ENTREP2: variants seen among roughly 807,000 people sequenced by gnomAD.
The protein encoded by ENTREP2 is endosomal transmembrane epsin interactor 2.
the ENTREP2 span, among the ~76,000 whole-genome samples, chr15:29,592,185 C>A: frequency 6.6e-6 from 1 of 152,240 alleles, no homozygotes; most frequent in African/African-American, 2.4e-5. Context: ...CTGCTGGCAC[C>A]CAGGCATGGC....
At chr15:29,306,664 A>ATTTTTTTTTTTTTTTTTTTTTTTTTTTTT in the ENTREP2 span, among the ~76,000 whole-genome samples, 5 of 77,278 alleles carry the variant, frequency 6.5e-5, 1 homozygote, top group Admixed American at 2.1e-4. Flanking sequence ...ATAATTGGTA[A>ATTTTTTTTTTTTTTTTTTTTTTTTTTTTT]TTTTTTTTTT....
chr15:29,339,220 C>T, the ENTREP2 span, among the ~76,000 whole-genome samples: 1 of 152,240 alleles, frequency 6.6e-6, no homozygotes, highest in Non-Finnish European at 1.5e-5. Flanking sequence ...GGCTTTGATG[C>T]CATGGGAGAG....
At chr15:29,379,993 A>C in the ENTREP2 span, among the ~76,000 whole-genome samples, 1 of 150,114 alleles carries the variant, frequency 6.7e-6, no homozygotes, top group Non-Finnish European at 1.5e-5. Flanking sequence ...TGTCAACCCC[A>C]CAGTCAGCCT....
At chr15:29,343,026 A>AGGG in the ENTREP2 span, among the ~76,000 whole-genome samples, 64 of 37,380 alleles carry the variant, frequency 1.7e-3, 1 homozygote, top group East Asian at 0.046. Flanking sequence ...GTAAAAAGGA[A>AGGG]TGGGGGGGGT....
the ENTREP2 span, among the ~76,000 whole-genome samples, chr15:29,585,000 T>TAGAC: frequency 5.7e-3 from 152 of 26,514 alleles, 3 homozygotes; most frequent in African/African-American, 9.0e-3. Flanking sequence ...GATCGATGGA[T>TAGAC]AGATAGATAG....
the ENTREP2 span, among the ~76,000 whole-genome samples, chr15:29,360,831 T>C: frequency 1.3e-5 from 2 of 152,162 alleles, no homozygotes; most frequent in African/African-American, 2.4e-5. Context: ...CTAGAGTATG[T>C]CCAGGAAGCA....
At chr15:29,135,741 C>T in the ENTREP2 span, among the ~76,000 whole-genome samples, 10 of 152,342 alleles carry the variant, frequency 6.6e-5, no homozygotes, top group African/African-American at 2.4e-4. This position sits in a 1 kb window ranked among gnomAD's most constrained non-coding sequence, Gnocchi z 7.4. Context: ...GCAGGAGTGC[C>T]TGGCATGCCC....
the ENTREP2 span, among the ~76,000 whole-genome samples, chr15:29,390,302 G>A: frequency 0.53 from 80,570 of 152,056 alleles, 24,844 homozygotes; most frequent in Middle Eastern, 0.67. Context: ...TGAAATTACC[G>A]CATCATGAAA....
the ENTREP2 span, among the ~76,000 whole-genome samples, chr15:29,231,885 C>CTTTTTTTTTT: frequency 4.6e-3 from 597 of 129,718 alleles, 52 homozygotes; most frequent in Middle Eastern, 0.012. Context: ...GTTTTCTTTT[C>CTTTTTTTTTT]TTTTCTTTCT....
the ENTREP2 span, among the ~76,000 whole-genome samples, chr15:29,290,336 T>C: frequency 6.6e-6 from 1 of 152,172 alleles, no homozygotes; most frequent in Non-Finnish European, 1.5e-5. Flanking sequence ...GGAAAGTTCT[T>C]CCCCTGCAGA....
the ENTREP2 span, among the ~76,000 whole-genome samples, chr15:29,371,171 C>T: frequency 4.7e-4 from 71 of 152,134 alleles, no homozygotes; most frequent in African/African-American, 1.6e-3. Context: ...GGAAAATAAG[C>T]TCAGCTCTTC....
chr15:29,149,814 G>A, the ENTREP2 span, among the ~76,000 whole-genome samples: 4 of 152,162 alleles, frequency 2.6e-5, no homozygotes, highest in African/African-American at 2.4e-5. Flanking sequence ...GTCTCATCAC[G>A]AGAGCAGAGC....
chr15:29,128,611 G>C, the ENTREP2 span, among the ~76,000 whole-genome samples: 1 of 152,124 alleles, frequency 6.6e-6, no homozygotes, highest in Non-Finnish European at 1.5e-5. Flanking sequence ...GAAATGTGGG[G>C]ATATACAGGG....
At chr15:29,266,507 G>A in the ENTREP2 span, 2 of 152,158 alleles carry the variant, frequency 1.3e-5, no homozygotes, top group Non-Finnish European at 2.9e-5. Context: ...GACCTTAAAT[G>A]TCCAGACATT....
the ENTREP2 span, among the ~76,000 whole-genome samples, chr15:29,637,792 T>C: frequency 6.6e-6 from 1 of 151,970 alleles, no homozygotes; most frequent in African/African-American, 2.4e-5. Flanking sequence ...AGAGAAGGTA[T>C]GAGAGGGAAG....
chr15:29,547,226 T>C, the ENTREP2 span, among the ~76,000 whole-genome samples: 37 of 150,156 alleles, frequency 2.5e-4, no homozygotes, highest in African/African-American at 8.6e-4. Flanking sequence ...GCTGGGATTA[T>C]AGGTGCATGC....
chr15:29,137,302 T>G, the ENTREP2 span: 1 of 1,030,834 alleles, frequency 9.7e-7, no homozygotes, highest in Non-Finnish European at 1.4e-6. Context: ...ATGCCTGTAA[T>G]TTCAACTGTC....
the ENTREP2 span, among the ~76,000 whole-genome samples, chr15:29,352,884 C>A: frequency 6.6e-6 from 1 of 152,182 alleles, no homozygotes; most frequent in African/African-American, 2.4e-5. Context: ...ATATTATTCA[C>A]CCCTCATCAT....
the ENTREP2 span, among the ~76,000 whole-genome samples, chr15:29,655,877 T>C: frequency 2.0e-5 from 3 of 151,898 alleles, no homozygotes; most frequent in African/African-American, 7.3e-5. Flanking sequence ...GTGCAAAAAT[T>C]AGCTGGGTGC....
Sources: gnomAD v4.1 joint callset for allele counts (sites outside exome capture counted in the v4.1 genomes callset) on GRCh38, gnomAD v4.1.1 for gene constraint, Gnocchi (gnomAD v3.1) non-coding constraint, MANE v1.5 for transcripts, NCBI Gene and HGNC (gene_info 2026-07-23, HGNC 2026-07-21) for gene names.